CNBD1: variants seen among roughly 807,000 people sequenced by gnomAD.
The protein encoded by CNBD1 is cyclic nucleotide-binding domain-containing protein 1.
A neutral mutation model predicts 54.4 loss-of-function variants in CNBD1; 71 were observed. The observed-to-expected ratio is 1.30, with a 90% CI of 1.08 to 1.59. The LOEUF (loss-of-function observed/expected upper bound fraction) is 1.59, where lower values mean the gene tolerates loss of function less well. CNBD1 is among the 40% of genes most tolerant of loss of function. CNBD1 has a pLI of 0.00. For synonymous variants in CNBD1, 182 were observed against 170.7 expected, an observed-to-expected ratio of 1.07 and a Z score of -0.51; for missense variants, 659 against 518.0, an observed-to-expected ratio of 1.27 and a Z score of -2.64.
chr8:87,027,504 T>A (rs1229230799), intron 4 of CNBD1, among the ~76,000 whole-genome samples: 3 of 152,136 alleles, frequency 2.0e-5, no homozygotes, highest in Non-Finnish European at 4.4e-5. Flanking sequence ...TCTATTGACC[T>A]CGTGAGCTGT....
chr8:86,889,565 G>T (rs747408367), intron 2 of CNBD1, among the ~76,000 whole-genome samples: 51 of 152,146 alleles, frequency 3.4e-4, no homozygotes, highest in Non-Finnish European at 5.3e-4. Context: ...CTCACAAAGG[G>T]CATTAGTTTT....
At chr8:87,050,564 G>A (rs1284504393) in intron 4 of CNBD1, among the ~76,000 whole-genome samples, 1 of 152,194 alleles carries the variant, frequency 6.6e-6, no homozygotes, top group East Asian at 1.9e-4. Flanking sequence ...CAGGTTAGTT[G>A]GGCAGTCTGG....
intron 6 of CNBD1, among the ~76,000 whole-genome samples, chr8:87,249,051 G>T (rs1228685727): frequency 6.6e-6 from 1 of 152,170 alleles, no homozygotes. Context: ...ATAGGGTTTT[G>T]TTATGAGTCT....
intron 4 of CNBD1, among the ~76,000 whole-genome samples, chr8:87,005,790 A>G (rs1409597903): frequency 1.3e-5 from 2 of 152,062 alleles, no homozygotes; most frequent in Non-Finnish European, 2.9e-5. Flanking sequence ...ATTAGGGATG[A>G]GGGCCTGTGT....
intron 4 of CNBD1, among the ~76,000 whole-genome samples, chr8:86,955,411 G>A (rs1173480589): frequency 6.6e-6 from 1 of 152,202 alleles, no homozygotes; most frequent in Admixed American, 6.5e-5. Context: ...TAGCCACACT[G>A]TCTTCCACCA....
intron 10 of CNBD1, among the ~76,000 whole-genome samples, chr8:87,370,220 T>C (rs1007577596): frequency 1.3e-5 from 2 of 152,072 alleles, no homozygotes; most frequent in African/African-American, 4.8e-5. Context: ...CAGCATGATT[T>C]GTAGTCCTTT....
At chr8:86,966,358 C>T (rs1439558299) in intron 4 of CNBD1, among the ~76,000 whole-genome samples, 5 of 152,172 alleles carry the variant, frequency 3.3e-5, no homozygotes, top group Admixed American at 6.5e-5. Flanking sequence ...TGCTTCCGGT[C>T]GGTTCTTGGT....
At position 87,149,286 on chromosome 8, in the gene CNBD1, C is replaced by T. The variant is rs545120362; in HGVS notation, c.432-56707C>T. Among the ~76,000 whole-genome samples, 418 of 152,234 alleles carry T rather than the reference C, an allele frequency of 2.7e-3. 1 individual carries two copies. Among genetic ancestry groups the T allele is most frequent in the African/African-American group, 9.7e-3 (404 of 41,538 alleles). On this transcript the variant is annotated intron_variant, in intron 4 of 10. Coordinates refer to ENST00000518476, the MANE Select transcript of CNBD1 (RefSeq NM_173538.3). ...GTCACTGTACTAGAGGAGAGATGGG[C>T]CTCCCCTGGATTGAGGATTATAGTC...
intron 10 of CNBD1, among the ~76,000 whole-genome samples, chr8:87,370,545 A>G (rs1363375299): frequency 6.6e-6 from 1 of 152,010 alleles, no homozygotes; most frequent in Non-Finnish European, 1.5e-5. Flanking sequence ...GTGTCTGTTC[A>G]TGTCCTTTGC....
chr8:87,159,139 G>T (rs1408812430), intron 4 of CNBD1, among the ~76,000 whole-genome samples: 1 of 152,094 alleles, frequency 6.6e-6, no homozygotes, highest in Admixed American at 6.6e-5. Flanking sequence ...ATACTTATTT[G>T]CATTAGATTA....
chr8:86,871,482 C>T (rs111261560), intron 1 of CNBD1, among the ~76,000 whole-genome samples: 30 of 152,318 alleles, frequency 2.0e-4, no homozygotes, highest in African/African-American at 6.0e-4. Flanking sequence ...TGTCAGGGTC[C>T]TACTCTCCTT....
At chr8:87,236,541 G>T (rs567589783) in intron 5 of CNBD1, among the ~76,000 whole-genome samples, 1 of 151,950 alleles carries the variant, frequency 6.6e-6, no homozygotes, top group African/African-American at 2.4e-5. Flanking sequence ...AGGAAAAATG[G>T]CATTTTGTGT....
At chr8:87,425,457 C>A (rs975382207) in intron 2 of CNBD1, among the ~76,000 whole-genome samples, 1 of 152,128 alleles carries the variant, frequency 6.6e-6, no homozygotes, top group South Asian at 2.1e-4. Flanking sequence ...GTTTTATCTA[C>A]TTTTGGTCTT....
intron 6 of CNBD1, among the ~76,000 whole-genome samples, chr8:87,282,896 C>G (rs1808624059): frequency 6.6e-6 from 1 of 151,992 alleles, no homozygotes; most frequent in Non-Finnish European, 1.5e-5. Flanking sequence ...TATACCAAAT[C>G]CTGAGCAGGA....
chr8:87,183,973 T>A (rs1413065126), intron 4 of CNBD1, among the ~76,000 whole-genome samples: 1 of 152,180 alleles, frequency 6.6e-6, no homozygotes, highest in Non-Finnish European at 1.5e-5. Flanking sequence ...AGCAAAGCAC[T>A]GCAGTAGAAT....
At chr8:87,028,032 G>GAC (rs370463787) in intron 4 of CNBD1, among the ~76,000 whole-genome samples, 118 of 150,808 alleles carry the variant, frequency 7.8e-4, no homozygotes, top group East Asian at 6.4e-3. Flanking sequence ...CACTTCCCTG[G>GAC]ACACACACAC....
intron 8 of CNBD1, among the ~76,000 whole-genome samples, chr8:87,351,071 G>T (rs1810280617): frequency 1.3e-5 from 2 of 152,080 alleles, no homozygotes; most frequent in Admixed American, 6.6e-5. Flanking sequence ...GTTTATATAA[G>T]GCTTAAAGTA....
chr8:87,266,878 A>C (rs1391920014), intron 6 of CNBD1, among the ~76,000 whole-genome samples: 7 of 152,146 alleles, frequency 4.6e-5, no homozygotes, highest in Non-Finnish European at 1.0e-4. Context: ...TACACCATTC[A>C]TAAAACTTAA....
chr8:87,004,071 G>A lies in CNBD1; in HGVS notation c.431+64317G>A, dbSNP rs573843581. Among the ~76,000 whole-genome samples the A allele has an allele frequency of 7.2e-5, 11 of 152,284 alleles. No individual in the cohort carries two copies. In the South Asian group the frequency reaches 2.3e-3, roughly 32 times the overall value. On this transcript the variant is annotated intron_variant, in intron 4 of 10. Coordinates refer to ENST00000518476, the MANE Select transcript of CNBD1 (RefSeq NM_173538.3). ...GACATACCGTATATATATATGAAGT[G>A]TATTACTGTGCTTTTCACATAGTGA...
Sources: allele counts gnomAD v4.1 joint callset (sites outside exome capture counted in the v4.1 genomes callset), GRCh38; gene constraint gnomAD v4.1.1; transcripts MANE v1.5; gene names NCBI Gene and HGNC (gene_info 2026-07-23, HGNC 2026-07-21).